The following LRP1 variants were observed in gnomAD, a reference collection of about 807,000 sequenced individuals.
LRP1 encodes the protein prolow-density lipoprotein receptor-related protein 1.
A neutral mutation model predicts 541.5 loss-of-function variants in LRP1; 51 were observed. The ratio of observed to expected loss-of-function variants is 0.09; its 90% CI spans 0.08 to 0.12. The LOEUF is 0.12. Among genes scored for constraint, LRP1 ranks in the 10% least tolerant of loss-of-function variants. The pLI is 1.00. For missense variants in LRP1, 3,878 were observed against 6,376.2 expected, an observed-to-expected ratio of 0.61 and a Z score of 13.34; for synonymous variants, 2,219 against 2,470.8, an observed-to-expected ratio of 0.90 and a Z score of 3.02.
chr12:57,153,911 T>TAAA (rs79297731), intron 6 of LRP1, among the ~76,000 whole-genome samples: 1 of 139,986 alleles, frequency 7.1e-6, no homozygotes, highest in Non-Finnish European at 1.6e-5. Context: ...AAAGCAAAGT[T>TAAA]AAAAAAAAAA....
In LRP1 at chr12:57,198,656, C is replaced by G. The variant is rs1271229952; in HGVS notation, c.9662C>G (p.Ser3221Cys). The change falls in exon 60 of 89, where the codon TCC becomes TGC. Residue 3221 changes from serine (S) to cysteine (C), a missense_variant. Coordinates refer to ENST00000243077, the MANE Select transcript of LRP1 (RefSeq NM_002332.3). ...ATTGAATTTGCCAGCCTGGATGGCT[C>G]CAATCGCCACGTTGGTCAGTGTGCC... ...DYIEFASLDG[S>C]NRHVVLSQDI... 9.9e-6 allele frequency: 16 copies of G among 1,609,708 alleles called. No individual in the cohort carries two copies. Among genetic ancestry groups the G allele is most frequent in the Non-Finnish European group, 1.3e-5 (15 of 1,178,308 alleles).
rs1266056143 is a variant in LRP1 at position 57,128,803 on chromosome 12, C to G, written c.-162C>G. The G allele has an allele frequency of 1.7e-6, 1 of 595,998 alleles. No homozygotes were observed. The highest frequency in any genetic ancestry group is 1.9e-5 in the African/African-American group (1 of 53,648). 36.9% of individuals were successfully genotyped at this position (595,998 alleles called of 1,614,324 possible). A position where few individuals can be genotyped will look rare whatever the true frequency, so the allele number is the denominator to read the frequency against. ...CTCCCCAAGGGGCTCGGAACTCTAC[C>G]TCTTCACCCACGCCCCTGGTGCGCT... is the stretch of plus-strand genomic sequence containing the variant. On this transcript the variant is annotated 5_prime_UTR_variant, in exon 1 of 89. Coordinates refer to ENST00000243077, the MANE Select transcript of LRP1 (RefSeq NM_002332.3).
chr12:57,208,851 G>A (rs1219201705), intron 78 of LRP1, 34 bp downstream of exon 78: 1 of 1,553,978 alleles, frequency 6.4e-7, no homozygotes, highest in South Asian at 1.1e-5. Context: ...GGACGGGCAT[G>A]GAGGGGGCCC....
At position 57,209,857 on chromosome 12, in the gene LRP1, A is replaced by G. The variant is rs376924964; in HGVS notation, c.12428A>G (p.Lys4143Arg). Residue 4143 changes from lysine (K) to arginine (R), a missense_variant, in exon 80 of 89, where the codon AAG becomes AGG. Around this residue, in one of 13 missense-constraint regions of LRP1, gnomAD observed 871 missense variants for 1,212.4 expected, o/e 0.72. Transcript: ENST00000243077. ...GACGTGGTCCTTTACCATCAGCACAAGCAGCCCGAAGGTGGGGGCAGAGGG... is the reference window on the plus strand; with the variant it reads ...GACGTGGTCCTTTACCATCAGCACAGGCAGCCCGAAGGTGGGGGCAGAGGG... ...ASDVVLYHQH[K>R]QPEVTNPCDR... The G allele has an allele frequency of 1.2e-6, 2 of 1,613,764 alleles. No homozygotes were observed. The highest frequency in any genetic ancestry group is 1.7e-6 in the Non-Finnish European group (2 of 1,179,972).
intron 2 of LRP1, 96 bp downstream of exon 2, chr12:57,138,677 A>G: frequency 1.3e-6 from 2 of 1,502,592 alleles, no homozygotes. Flanking sequence ...CCCTAGCCTG[A>G]TGTGGACCTT....
Position 57,204,343 on chromosome 12 carries a change from A to G in LRP1, c.10952-67A>G, listed in dbSNP as rs949676149. ...TGACCCCTCTGAGCCTGGAACCCCCACCTGTGGAGACAGGGGTCTGGGTGG... is the reference window on the plus strand; with the variant it reads ...TGACCCCTCTGAGCCTGGAACCCCCGCCTGTGGAGACAGGGGTCTGGGTGG... On this transcript the variant is annotated intron_variant, in intron 70 of 88. Coordinates refer to ENST00000243077, the MANE Select transcript of LRP1 (RefSeq NM_002332.3). The surrounding 1 kb of genome is among the most constrained non-coding windows in gnomAD (Gnocchi z 5.3). 1 of 1,457,302 alleles carries G rather than the reference A, an allele frequency of 6.9e-7. No individual in the cohort carries two copies. Among genetic ancestry groups the G allele is most frequent in the Non-Finnish European group, 9.1e-7 (1 of 1,100,770 alleles). 90.3% of individuals were successfully genotyped at this position (1,457,302 alleles called of 1,614,324 possible). A position where few individuals can be genotyped will look rare whatever the true frequency, so the allele number is the denominator to read the frequency against.
intron 1 of LRP1, among the ~76,000 whole-genome samples, chr12:57,136,395 G>GGCCC (rs1555179757): frequency 1.0e-4 from 10 of 99,114 alleles, no homozygotes; most frequent in Non-Finnish European, 1.4e-4. Flanking sequence ...CCTCCTAAGA[G>GGCCC]CCCCCCCCCC....
At position 57,173,772 on chromosome 12, in the gene LRP1, T is replaced by TC; in HGVS notation, c.3347-5dup. On this transcript the variant is annotated splice_region_variant and splice_polypyrimidine_tract_variant and intron_variant, in intron 21 of 88. Transcript: ENST00000243077. The surrounding 1 kb of genome is among the most constrained non-coding windows in gnomAD (Gnocchi z 4.7). ...GGCCTGGGCCCTCATAGTGCACCTGTCCCTCAGCTCGGTGCATCAGCAAAG... is the reference window on the plus strand; with the variant it reads ...GGCCTGGGCCCTCATAGTGCACCTGTCCCCTCAGCTCGGTGCATCAGCAAAG... 6.2e-7 allele frequency: 1 copy of TC among 1,613,792 alleles called. No individual in the cohort carries two copies. Among genetic ancestry groups the TC allele is most frequent in the Non-Finnish European group, 8.5e-7 (1 of 1,179,700 alleles).
In LRP1 at chr12:57,210,749, C is replaced by T. The variant is rs1178175642; in HGVS notation, c.12786C>T (p.Phe4262=). ...CCACGTGCCGGTGCCCCACGGGCTTCACGGGCCCCAAATGCACCCAGCAGG... is the reference window on the plus strand; with the variant it reads ...CCACGTGCCGGTGCCCCACGGGCTTTACGGGCCCCAAATGCACCCAGCAGG... ...GMPTCRCPTG[F]TGPKCTQQVC... The change falls in exon 83 of 89, where the codon TTC becomes TTT. Residue 4262 remains phenylalanine (F), a synonymous_variant. Transcript: ENST00000243077. 8 of 1,611,716 alleles carry T rather than the reference C, an allele frequency of 5.0e-6. No individual in the cohort carries two copies. The Admixed American group carries it at 8.3e-5, about 17-fold the overall frequency.
chr12:57,167,571 G>C, intron 19 of LRP1, 47 bp downstream of exon 19: 1 of 1,517,644 alleles, frequency 6.6e-7, no homozygotes. Flanking sequence ...ACAGCTAGAG[G>C]CTACAGCCAG....
At position 57,211,917 on chromosome 12, in the gene LRP1, T is replaced by C. The variant is rs530597867; in HGVS notation, c.13259-10T>C. ...CCTTGGTGACTCAGTGTCCCACCTC[T>C]TCCCTCCAGATATAGCCTCCATCCT... is the stretch of plus-strand genomic sequence containing the variant. On this transcript the variant is annotated splice_polypyrimidine_tract_variant and intron_variant, in intron 86 of 88. Transcript: ENST00000243077. The surrounding 1 kb of genome is among the most constrained non-coding windows in gnomAD (Gnocchi z 4.3). 2.9e-5 allele frequency: 46 copies of C among 1,613,986 alleles called. No homozygotes were observed. The highest frequency in any genetic ancestry group is 3.3e-4 in the Middle Eastern group (2 of 6,062).
At chr12:57,141,820 C>CT (rs745574427) in intron 3 of LRP1, among the ~76,000 whole-genome samples, 3 of 152,330 alleles carry the variant, frequency 2.0e-5, no homozygotes, top group Non-Finnish European at 4.4e-5. Flanking sequence ...TGTTTTCATA[C>CT]TTTTTTAAAA....
intron 6 of LRP1, among the ~76,000 whole-genome samples, chr12:57,147,152 A>G (rs528539968): frequency 1.3e-5 from 2 of 151,660 alleles, no homozygotes; most frequent in Non-Finnish European, 2.9e-5. Context: ...AGGCTAGAAG[A>G]GTCCAAGGGG....
chr12:57,204,296 G>T lies in LRP1; in HGVS notation c.10952-114G>T. On this transcript the variant is annotated intron_variant, in intron 70 of 88. Coordinates refer to ENST00000243077, the MANE Select transcript of LRP1 (RefSeq NM_002332.3). This position sits in a 1 kb window ranked among gnomAD's most constrained non-coding sequence, Gnocchi z 5.3. ...AATTTAAGAGACCTGGTTCCAATTT[G>T]GCTGTGCCACTGCTTGCCTGGTGAC... 8.1e-7 allele frequency: 1 copy of T among 1,240,432 alleles called. No homozygotes were observed. The highest frequency in any genetic ancestry group is 1.1e-6 in the Non-Finnish European group (1 of 920,028). The allele number at this position is 1,240,432 out of a possible 1,614,324, so 76.8% of individuals were successfully genotyped here. A position where few individuals can be genotyped will look rare whatever the true frequency, so the allele number is the denominator to read the frequency against.
At chr12:57,151,054 G>A (rs887551610) in intron 6 of LRP1, among the ~76,000 whole-genome samples, 3 of 152,056 alleles carry the variant, frequency 2.0e-5, no homozygotes, top group African/African-American at 7.3e-5. Context: ...AGGACATAAA[G>A]GCTTCTTCCT....
intron 49 of LRP1, 24 bp from the exon 50 acceptor site, chr12:57,194,553 C>T: frequency 6.2e-7 from 1 of 1,612,586 alleles, no homozygotes; most frequent in Non-Finnish European, 8.5e-7. Flanking sequence ...TGAGCAGGGC[C>T]CTCACACCTG....
chr12:57,148,971 AT>A (rs1247411716), intron 6 of LRP1: 5 of 613,616 alleles, frequency 8.1e-6, no homozygotes, highest in South Asian at 1.9e-5. Context: ...TTATTTATTT[AT>A]TTTTTTAGTG....
At position 57,165,815 on chromosome 12, in the gene LRP1, C is replaced by T; in HGVS notation, c.2541C>T (p.Ser847=). ...CTGTGGTGCCCACAGCGAACCCATC[C>T]TACGTGCCTCCACCCCAGTGCCAGC... ...ADGVTCLANP[S]YVPPPQCQPG... is the part of the protein sequence containing the mutation. Residue 847 remains serine, a synonymous_variant, in exon 16 of 89, where the codon TCC becomes TCT. Coordinates refer to ENST00000243077, the MANE Select transcript of LRP1 (RefSeq NM_002332.3). The surrounding 1 kb of genome is among the most constrained non-coding windows in gnomAD (Gnocchi z 4.5). 1 of 1,614,228 alleles carries T rather than the reference C, an allele frequency of 6.2e-7. No homozygotes were observed. The highest frequency in any genetic ancestry group is 8.5e-7 in the Non-Finnish European group (1 of 1,180,010).
At chr12:57,138,394 G>T (rs1328586790) in intron 1 of LRP1, 65 bp from the exon 2 acceptor site, 1 of 1,582,580 alleles carries the variant, frequency 6.3e-7, no homozygotes, top group Non-Finnish European at 8.6e-7. Flanking sequence ...AGTACTAGGG[G>T]ACTTTGGGTT....
Sources: gnomAD v4.1 joint callset for allele counts (sites outside exome capture counted in the v4.1 genomes callset) on GRCh38, gnomAD v4.1.1 for gene constraint, gnomAD v4.1.1 regional missense constraint, Gnocchi (gnomAD v3.1) non-coding constraint, MANE v1.5 for transcripts, NCBI Gene and HGNC (gene_info 2026-07-23, HGNC 2026-07-21) for gene names.